The following RAB13 variants were observed in gnomAD, a reference collection of about 807,000 sequenced individuals.
The protein encoded by RAB13 is ras-related protein Rab-13.
RAB13 carries 15 observed loss-of-function variants against 29.3 expected under a neutral mutation model. That is an observed-to-expected ratio of 0.51 (90% confidence interval 0.34 to 0.79). RAB13 has a LOEUF of 0.79. RAB13 is among the 30% of genes least tolerant of loss of function. The pLI is 0.01. For missense variants in RAB13, 186 were observed against 255.5 expected, an observed-to-expected ratio of 0.73 and a Z score of 1.85; for synonymous variants, 82 against 93.8, an observed-to-expected ratio of 0.87 and a Z score of 0.73.
At chr1:153,987,272 C>T (rs1350746187), upstream of RAB13, among the ~76,000 whole-genome samples, 5 of 151,554 alleles carry the variant, frequency 3.3e-5, no homozygotes, top group South Asian at 2.1e-4. Flanking sequence ...TTTGGGAGGC[C>T]GAGGCGGGCG....
intron 1 of RAB13, chr1:153,985,152 A>G: frequency 9.7e-7 from 1 of 1,035,018 alleles, no homozygotes; most frequent in South Asian, 3.4e-5. Context: ...GTTTTCTTAG[A>G]GCCCTCTACT....
chr1:153,984,368 A>G (rs1007070065), intron 2 of RAB13, among the ~76,000 whole-genome samples: 1 of 152,162 alleles, frequency 6.6e-6, no homozygotes, highest in Non-Finnish European at 1.5e-5. Flanking sequence ...CTCTGGGCTC[A>G]CCATATTTTG....
At chr1:153,987,121 T>A (rs1649193677), upstream of RAB13, among the ~76,000 whole-genome samples, 1 of 152,184 alleles carries the variant, frequency 6.6e-6, no homozygotes, top group South Asian at 2.1e-4. Flanking sequence ...TATGGCCCAC[T>A]TAAGGTGCAG....
upstream of RAB13, among the ~76,000 whole-genome samples, chr1:153,987,899 T>G (rs1649229540): frequency 6.6e-6 from 1 of 151,810 alleles, no homozygotes; most frequent in Admixed American, 6.6e-5. Context: ...AAGGCTGTAG[T>G]GAGCCACGAT....
chr1:153,982,814 G>A lies in RAB13; in HGVS notation c.325-6C>T, dbSNP rs1571127547. ...TCCACCCCAGCCGAGGCATTCTGGGGGCAAAAGACAAGTAAAAGTTAGGTC... is the reference window on the plus strand; with the variant it reads ...TCCACCCCAGCCGAGGCATTCTGGGAGCAAAAGACAAGTAAAAGTTAGGTC... On this transcript the variant is annotated splice_region_variant and splice_polypyrimidine_tract_variant and intron_variant, in intron 4 of 7. Coordinates refer to ENST00000368575, the MANE Select transcript of RAB13 (RefSeq NM_002870.5). The A allele has an allele frequency of 1.2e-6, 2 of 1,614,050 alleles. No homozygotes were observed. The highest frequency in any genetic ancestry group is 4.5e-5 in the East Asian group (2 of 44,872).
intron 4 of RAB13, 30 bp from the exon 5 acceptor site, chr1:153,982,838 T>G: frequency 6.2e-7 from 1 of 1,611,258 alleles, no homozygotes; most frequent in Non-Finnish European, 8.5e-7. Flanking sequence ...AAAAGTTAGG[T>G]CCTGCCGGCT....
Position 153,983,591 on chromosome 1 carries a change from GAGA to G in RAB13, c.186-13_186-11del, listed in dbSNP as rs1270744604. ...TTGGCCAGCCGTGTCCCTAAAGAAGGAGAAGTTTTCATGGGATGGAATAGAGGG... is the reference window on the plus strand; with the variant it reads ...TTGGCCAGCCGTGTCCCTAAAGAAGGAGTTTTCATGGGATGGAATAGAGGG... On this transcript the variant is annotated splice_polypyrimidine_tract_variant and intron_variant, in intron 2 of 7. Transcript: ENST00000368575. 9 of 1,598,696 alleles carry G rather than the reference GAGA, an allele frequency of 5.6e-6. No homozygotes were observed. The highest frequency in any genetic ancestry group is 2.7e-5 in the African/African-American group (2 of 74,512).
At chr1:153,986,549 T>G (rs926398334), upstream of RAB13, among the ~76,000 whole-genome samples, 1 of 152,168 alleles carries the variant, frequency 6.6e-6, no homozygotes, top group Non-Finnish European at 1.5e-5. Flanking sequence ...TCTTAGGACC[T>G]TACTCTTCCA....
At chr1:153,989,680 G>A (rs1649294365), upstream of RAB13, among the ~76,000 whole-genome samples, 1 of 151,902 alleles carries the variant, frequency 6.6e-6, no homozygotes, top group Non-Finnish European at 1.5e-5. Flanking sequence ...ATCACGTGAG[G>A]TCGGGAGTTC....
In RAB13 at chr1:153,982,424, C is replaced by G. The variant is rs556345789; in HGVS notation, c.501G>C (p.Arg167=). The G allele has an allele frequency of 6.2e-7, 1 of 1,613,874 alleles. No homozygotes were observed. The highest frequency in any genetic ancestry group is 1.1e-5 in the South Asian group (1 of 91,068). Residue 167 remains arginine (R), a synonymous_variant, in exon 7 of 8, where the codon CGG becomes CGC. Coordinates refer to ENST00000368575, the MANE Select transcript of RAB13 (RefSeq NM_002870.5). ...NVDEAFSSLA[R]DILLKSGGRR... is the part of the protein sequence containing the mutation. ...GGCCTCCTGACTTGAGCAAGATGTC[C>G]CGGGCCAGGGAACTAAAAGCCTAAA...
chr1:153,982,400 G>A lies in RAB13; in HGVS notation c.525C>T (p.Gly175=), dbSNP rs767907083. The change falls in exon 7 of 8, where the codon GGC becomes GGT. Residue 175 remains glycine, a synonymous_variant. Coordinates refer to ENST00000368575, the MANE Select transcript of RAB13 (RefSeq NM_002870.5). ...AGCAAAACCAACTTACTGATCTCCGGCCTCCTGACTTGAGCAAGATGTCCC... is the reference window on the plus strand; with the variant it reads ...AGCAAAACCAACTTACTGATCTCCGACCTCCTGACTTGAGCAAGATGTCCC... The part of the protein sequence containing the change: ...LARDILLKSG[G]RRSGNGNKPP... 5.6e-6 allele frequency: 9 copies of A among 1,613,084 alleles called. No homozygotes were observed. The African/African-American group carries it at 1.1e-4, about 19-fold the overall frequency.
chr1:153,985,922 C>T (rs1296869449), intron 1 of RAB13, 191 bp downstream of exon 1: 10 of 930,410 alleles, frequency 1.1e-5, no homozygotes, highest in East Asian at 2.9e-5. Context: ...TACCTGAAGG[C>T]CTCAGAGAGG....
At chr1:153,987,528 A>AAAAAAG (rs570485139), upstream of RAB13, among the ~76,000 whole-genome samples, 250 of 127,502 alleles carry the variant, frequency 2.0e-3, 5 homozygotes, top group African/African-American at 7.0e-3. Context: ...AAAAAAAAAA[A>AAAAAAG]AAAGAAAGAA....
intron 1 of RAB13, 118 bp from the exon 2 acceptor site, chr1:153,984,899 TG>T (rs1649112124): frequency 7.1e-7 from 1 of 1,406,230 alleles, no homozygotes; most frequent in African/African-American, 1.5e-5. Flanking sequence ...GGGAGGCACT[TG>T]GGGAACAATC....
At chr1:153,982,851 G>T in intron 4 of RAB13, 43 bp from the exon 5 acceptor site, 2 of 1,598,864 alleles carry the variant, frequency 1.3e-6, no homozygotes, top group Non-Finnish European at 1.7e-6. Context: ...TGCCGGCTGG[G>T]AGCGGTGGCT....
At chr1:153,982,350 C>T (rs746741597) in intron 7 of RAB13, 41 bp downstream of exon 7, 4 of 1,564,614 alleles carry the variant, frequency 2.6e-6, no homozygotes, top group African/African-American at 2.8e-5. Context: ...TACACACACA[C>T]ACACCCCAGA....
upstream of RAB13, chr1:153,986,492 T>G: frequency 2.1e-6 from 1 of 476,492 alleles, no homozygotes; most frequent in South Asian, 2.8e-5. Flanking sequence ...TAGGCCGGCC[T>G]GTCTCTCTCG....
At chr1:153,987,452 C>T (rs926417349), upstream of RAB13, among the ~76,000 whole-genome samples, 1 of 146,744 alleles carries the variant, frequency 6.8e-6, no homozygotes. Flanking sequence ...GGAGGCAGAG[C>T]TTGCAGTGAG....
chr1:153,987,061 G>GA (rs1280195946), upstream of RAB13, among the ~76,000 whole-genome samples: 1 of 152,158 alleles, frequency 6.6e-6, no homozygotes, highest in Non-Finnish European at 1.5e-5. Context: ...AATAGCTTAG[G>GA]AAAACAGAGA....
Sources: gnomAD v4.1 joint callset for allele counts (sites outside exome capture counted in the v4.1 genomes callset) on GRCh38, gnomAD v4.1.1 for gene constraint, MANE v1.5 for transcripts, NCBI Gene and HGNC (gene_info 2026-07-23, HGNC 2026-07-21) for gene names.